Variants in TTC28 observed in about 807,000 individuals in gnomAD.
TTC28 encodes the protein tetratricopeptide repeat domain 28.
TTC28 carries 61 observed loss-of-function variants against 198.0 expected under a neutral mutation model. The observed-to-expected ratio is 0.31, with a 90% CI of 0.25 to 0.38. The LOEUF is 0.38. Among genes scored for constraint, TTC28 ranks in the 10% least tolerant of loss-of-function variants. TTC28 has a pLI of 1.00. For missense variants in TTC28, 2,678 were observed against 3,164.0 expected (o/e 0.85, Z 3.69); for synonymous variants, 1,171 against 1,297.8 (o/e 0.90, Z 2.10).
chr22:28,437,359 A>T (rs2047536559), intron 2 of TTC28, among the ~76,000 whole-genome samples: 1 of 152,200 alleles, frequency 6.6e-6, no homozygotes, highest in African/African-American at 2.4e-5. Context: ...CTGAGATTAC[A>T]GACATGAGCC....
chr22:28,214,317 A>G lies in TTC28; in HGVS notation c.934-50718T>C, dbSNP rs536302710. Among the ~76,000 whole-genome samples the G allele has an allele frequency of 2.1e-3, 318 of 152,352 alleles. 1 individual carries two copies. The highest frequency in any genetic ancestry group is 3.9e-3 in the Non-Finnish European group (262 of 68,036). ...AAACCAAAGAGCTTCTGCACAGCAA[A>G]AGAAACTACCATCAGAGTGAACAGG... On this transcript the variant is annotated intron_variant, in intron 5 of 22. Transcript: ENST00000397906.
chr22:28,613,213 T>C (rs1345970942), intron 2 of TTC28, among the ~76,000 whole-genome samples: 1 of 152,132 alleles, frequency 6.6e-6, no homozygotes, highest in Non-Finnish European at 1.5e-5. Flanking sequence ...AATGGATAAA[T>C]TCCTGGACAC....
At chr22:28,494,951 C>T (rs76218987) in intron 2 of TTC28, among the ~76,000 whole-genome samples, 1 of 150,952 alleles carries the variant, frequency 6.6e-6, no homozygotes, top group South Asian at 2.1e-4. Context: ...AATCAAAGAG[C>T]AAAAATTTTA....
chr22:28,054,597 C>T (rs906683432), intron 12 of TTC28, among the ~76,000 whole-genome samples: 6 of 152,022 alleles, frequency 3.9e-5, no homozygotes, highest in African/African-American at 1.4e-4. Context: ...CCATCTTGTC[C>T]CCTTTATGTA....
At chr22:28,438,256 T>C (rs1382782205) in intron 2 of TTC28, among the ~76,000 whole-genome samples, 2 of 152,166 alleles carry the variant, frequency 1.3e-5, no homozygotes, top group Non-Finnish European at 2.9e-5. Context: ...AATTTAAGAC[T>C]TAGCCTTATA....
At chr22:28,004,144 G>T (rs1324979734) in intron 14 of TTC28, among the ~76,000 whole-genome samples, 1 of 152,252 alleles carries the variant, frequency 6.6e-6, no homozygotes, top group Non-Finnish European at 1.5e-5. Flanking sequence ...ACCCAGGAGG[G>T]TCCGTGAGGG....
intron 2 of TTC28, among the ~76,000 whole-genome samples, chr22:28,596,062 T>C (rs1332668965): frequency 6.6e-6 from 1 of 152,076 alleles, no homozygotes; most frequent in African/African-American, 2.4e-5. Context: ...AACAATCTGA[T>C]AGTAAAAAGA....
At chr22:28,292,871 C>T (rs768653809) in intron 5 of TTC28, among the ~76,000 whole-genome samples, 8 of 152,202 alleles carry the variant, frequency 5.3e-5, no homozygotes, top group Non-Finnish European at 7.3e-5. Context: ...ACTACCCAGA[C>T]CTTGAACCCT....
At chr22:28,577,393 A>G (rs2050167517) in intron 2 of TTC28, among the ~76,000 whole-genome samples, 1 of 152,122 alleles carries the variant, frequency 6.6e-6, no homozygotes, top group Non-Finnish European at 1.5e-5. Flanking sequence ...CCTAACATAC[A>G]GTCTATCCCT....
chr22:28,386,117 C>A (rs938874187), intron 2 of TTC28, among the ~76,000 whole-genome samples: 2 of 150,170 alleles, frequency 1.3e-5, no homozygotes, highest in South Asian at 2.2e-4. Flanking sequence ...TCTACTAAAA[C>A]TACAAAAAAT....
At position 28,679,811 on chromosome 22, in the gene TTC28, G is replaced by C. The variant is rs112952702; in HGVS notation, c.-88C>G. 2 of 637,844 alleles carry C rather than the reference G, an allele frequency of 3.1e-6. No individual in the cohort carries two copies. Among genetic ancestry groups the C allele is most frequent in the South Asian group, 7.5e-5 (1 of 13,266 alleles). 39.5% of individuals were successfully genotyped at this position (637,844 alleles called of 1,614,324 possible). A position where few individuals can be genotyped will look rare whatever the true frequency, so the allele number is the denominator to read the frequency against. On this transcript the variant is annotated 5_prime_UTR_variant, in exon 1 of 23. Transcript: ENST00000397906. ...CGGTTCCGCGCGCCATGTTCCCGCCGTGCTGCGCGCCGCCGCGGCGCCCCT... is the reference window on the plus strand; with the variant it reads ...CGGTTCCGCGCGCCATGTTCCCGCCCTGCTGCGCGCCGCCGCGGCGCCCCT...
intron 13 of TTC28, among the ~76,000 whole-genome samples, chr22:28,028,560 C>T (rs1286983427): frequency 3.3e-5 from 5 of 152,124 alleles, no homozygotes. Flanking sequence ...AACCAGGTCA[C>T]CATGGATGCC....
chr22:28,243,174 CAAAAAAAAAAAAAAAAAAAA>C (rs754700795), intron 5 of TTC28, among the ~76,000 whole-genome samples: 18,134 of 68,534 alleles, frequency 0.26, 2,365 homozygotes, highest in Middle Eastern at 0.36. Flanking sequence ...CCCCTCTCTA[CAAAAAAAAAAAAAAAAAAAA>C]AAAAAAAAAA....
At chr22:28,093,571 T>A (rs1459476676) in intron 12 of TTC28, among the ~76,000 whole-genome samples, 1 of 152,232 alleles carries the variant, frequency 6.6e-6, no homozygotes, top group Non-Finnish European at 1.5e-5. Flanking sequence ...TTATACCTTT[T>A]ACAACCTTTG....
At position 28,326,449 on chromosome 22, in the gene TTC28, C is replaced by T. The variant is rs868351513; in HGVS notation, c.382-19806G>A. 9.2e-5 allele frequency among the ~76,000 whole-genome samples: 14 copies of T among 152,082 alleles called. No homozygotes were observed. The Middle Eastern group carries it at 0.014, about 148-fold the overall frequency. On this transcript the variant is annotated intron_variant, in intron 2 of 22. Transcript: ENST00000397906. ...GAAAGGTTTGAGTAAATAGTGGTAA[C>T]GATTATATGACTTTATGAATGTAAT... is the stretch of plus-strand genomic sequence containing the variant.
At chr22:28,156,520 T>C (rs775556973) in intron 6 of TTC28, among the ~76,000 whole-genome samples, 2 of 152,224 alleles carry the variant, frequency 1.3e-5, no homozygotes, top group African/African-American at 2.4e-5. Context: ...TTTATGGTAA[T>C]TGGTTATACA....
chr22:28,635,716 G>A (rs1291735368), intron 1 of TTC28, among the ~76,000 whole-genome samples: 2 of 152,046 alleles, frequency 1.3e-5, no homozygotes, highest in African/African-American at 4.8e-5. Context: ...TATATATAAT[G>A]TGATGTTTTG....
chr22:28,081,176 CAT>C (rs1050674363), intron 12 of TTC28, among the ~76,000 whole-genome samples: 12 of 128,284 alleles, frequency 9.4e-5, no homozygotes, highest in African/African-American at 3.2e-4. Context: ...CACACACACA[CAT>C]ATTTATGTAC....
chr22:28,493,453 G>A (rs2048406858), intron 2 of TTC28, among the ~76,000 whole-genome samples: 2 of 152,024 alleles, frequency 1.3e-5, no homozygotes, highest in South Asian at 4.2e-4. Context: ...GAAAATAAGG[G>A]AAAAAAACAT....
Sources: allele counts gnomAD v4.1 joint callset (sites outside exome capture counted in the v4.1 genomes callset), GRCh38; gene constraint gnomAD v4.1.1; transcripts MANE v1.5; gene names NCBI Gene and HGNC (gene_info 2026-07-23, HGNC 2026-07-21).